The following GALNT18 variants were observed in gnomAD, a reference collection of about 807,000 sequenced individuals.
GALNT18 encodes polypeptide N-acetylgalactosaminyltransferase 18.
Under a neutral mutation model 69.5 loss-of-function variants are expected in GALNT18, and 44 were observed. The observed-to-expected ratio is 0.63, with a 90% CI of 0.50 to 0.81. The LOEUF (loss-of-function observed/expected upper bound fraction) is 0.81. Among genes scored for constraint, GALNT18 ranks in the 40% least tolerant of loss-of-function variants. The probability of loss-of-function intolerance (pLI) is 0.00; values close to 1 mark genes in which losing one functional copy is unlikely to be tolerated. For synonymous variants in GALNT18, 364 were observed against 318.2 expected, an observed-to-expected ratio of 1.14 and a Z score of -1.53; for missense variants, 715 against 810.0, an observed-to-expected ratio of 0.88 and a Z score of 1.42.
rs1409378861 is a variant in GALNT18 at position 11,511,283 on chromosome 11, G to T, written c.236-62347C>A. On this transcript the variant is annotated intron_variant, in intron 1 of 10. Transcript: ENST00000227756. This position sits in a 1 kb window ranked among gnomAD's most constrained non-coding sequence, Gnocchi z 4.9. The stretch of plus-strand genomic sequence containing the variant: ...GAAGGGACCGGCTGTCCAGCTTCAC[G>T]CAGGGAGGGCTCCTTGAAGCTAATT... 6.6e-6 allele frequency among the ~76,000 whole-genome samples: 1 copy of T among 152,164 alleles called. No individual in the cohort carries two copies. Among genetic ancestry groups the T allele is most frequent in the African/African-American group, 2.4e-5 (1 of 41,446 alleles).
Position 11,563,471 on chromosome 11 carries a change from T to G in GALNT18, c.235+57888A>C, listed in dbSNP as rs375934671. Among the ~76,000 whole-genome samples, 2 of 152,212 alleles carry G rather than the reference T, an allele frequency of 1.3e-5. No individual in the cohort carries two copies. The highest frequency in any genetic ancestry group is 4.8e-5 in the African/African-American group (2 of 41,458). On this transcript the variant is annotated intron_variant, in intron 1 of 10. Coordinates refer to ENST00000227756, the MANE Select transcript of GALNT18 (RefSeq NM_198516.3). This position sits in a 1 kb window ranked among gnomAD's most constrained non-coding sequence, Gnocchi z 4.6. ...ACCATGAAGGGCCCCACAAGTAGTT[T>G]CCAACTTGTGAGTTTGAACACTTAA...
Position 11,309,046 on chromosome 11 carries a change from G to A in GALNT18, c.1513-15853C>T, listed in dbSNP as rs978453883. ...TGAAAACTTGATCCTTAATGTGGTG[G>A]TGCTGGGAGGTAGGGCCTAATGGAA... On this transcript the variant is annotated intron_variant, in intron 9 of 10. Transcript: ENST00000227756. This position sits in a 1 kb window ranked among gnomAD's most constrained non-coding sequence, Gnocchi z 4.6. Among the ~76,000 whole-genome samples, 1 of 152,190 alleles carries A rather than the reference G, an allele frequency of 6.6e-6. No individual in the cohort carries two copies. The highest frequency in any genetic ancestry group is 2.4e-5 in the African/African-American group (1 of 41,452).
intron 9 of GALNT18, among the ~76,000 whole-genome samples, chr11:11,322,925 G>A (rs1849861703): frequency 6.6e-6 from 1 of 152,036 alleles, no homozygotes; most frequent in African/African-American, 2.4e-5. Flanking sequence ...ATGGCAGAGA[G>A]AAAAGAAAGC....
chr11:11,411,885 C>T (rs1854737953), intron 3 of GALNT18, among the ~76,000 whole-genome samples: 1 of 152,176 alleles, frequency 6.6e-6, no homozygotes, highest in African/African-American at 2.4e-5. Context: ...CCATCCGAGG[C>T]AAGGCTGGAA....
intron 1 of GALNT18, among the ~76,000 whole-genome samples, chr11:11,471,763 A>G (rs933952463): frequency 2.0e-5 from 3 of 152,194 alleles, no homozygotes; most frequent in Non-Finnish European, 2.9e-5. Context: ...GGCAGGATAG[A>G]AATTCTGTAG....
chr11:11,295,159 A>G (rs1273415117), intron 9 of GALNT18, among the ~76,000 whole-genome samples: 1 of 152,184 alleles, frequency 6.6e-6, no homozygotes, highest in Non-Finnish European at 1.5e-5. Context: ...TTCACGGCAG[A>G]TTCTTCCTGA....
intron 9 of GALNT18, among the ~76,000 whole-genome samples, chr11:11,305,883 A>T (rs1849568777): frequency 6.6e-6 from 1 of 152,240 alleles, no homozygotes; most frequent in African/African-American, 2.4e-5. Flanking sequence ...CAATGTGTTA[A>T]TAAATTATTC....
intron 1 of GALNT18, among the ~76,000 whole-genome samples, chr11:11,498,019 T>TAAA (rs531669912): frequency 7.0e-4 from 107 of 152,066 alleles, no homozygotes; most frequent in African/African-American, 2.5e-3. Flanking sequence ...TGGCTTAAAA[T>TAAA]GAACTAAAAA....
At chr11:11,395,425 C>G (rs1215593389) in intron 3 of GALNT18, among the ~76,000 whole-genome samples, 2 of 152,248 alleles carry the variant, frequency 1.3e-5, no homozygotes, top group Non-Finnish European at 2.9e-5. Context: ...GCATATGTAG[C>G]AGGGCCTGTG....
At chr11:11,400,699 A>T (rs940174140) in intron 3 of GALNT18, among the ~76,000 whole-genome samples, 3 of 152,132 alleles carry the variant, frequency 2.0e-5, no homozygotes, top group African/African-American at 4.8e-5. Context: ...GTTCTCTAGG[A>T]TTCCTTTCAC....
intron 1 of GALNT18, among the ~76,000 whole-genome samples, chr11:11,578,651 G>A (rs1209000499): frequency 3.3e-5 from 5 of 152,342 alleles, no homozygotes; most frequent in Middle Eastern, 3.4e-3. Flanking sequence ...CCCACCTCCC[G>A]GGTCAGGAGA....
At chr11:11,353,592 G>C (rs12578058) in intron 6 of GALNT18, among the ~76,000 whole-genome samples, 48,207 of 152,012 alleles carry the variant, frequency 0.32, 7,908 homozygotes, top group African/African-American at 0.41. Context: ...ATCAGTGGCT[G>C]TTTCTTTCCT....
chr11:11,596,460 C>T lies in GALNT18; in HGVS notation c.235+24899G>A, dbSNP rs1367583924. On this transcript the variant is annotated intron_variant, in intron 1 of 10. Coordinates refer to ENST00000227756, the MANE Select transcript of GALNT18 (RefSeq NM_198516.3). The surrounding 1 kb of genome is among the most constrained non-coding windows in gnomAD (Gnocchi z 4.2). The stretch of plus-strand genomic sequence containing the variant: ...TTTGATAAAGATATCTGAAGTATTG[C>T]CATCTTAACAATATTAAGTCTTGCA... 2.0e-5 allele frequency among the ~76,000 whole-genome samples: 3 copies of T among 152,100 alleles called. No homozygotes were observed. Among genetic ancestry groups the T allele is most frequent in the Non-Finnish European group, 4.4e-5 (3 of 67,998 alleles).
intron 9 of GALNT18, among the ~76,000 whole-genome samples, chr11:11,304,184 C>T (rs1296969646): frequency 2.0e-5 from 3 of 152,226 alleles, no homozygotes; most frequent in African/African-American, 4.8e-5. Flanking sequence ...ACTGCTGAGG[C>T]CCCTGGAGCT....
chr11:11,374,047 A>G (rs544466244), intron 5 of GALNT18, among the ~76,000 whole-genome samples: 6 of 152,260 alleles, frequency 3.9e-5, no homozygotes, highest in African/African-American at 1.4e-4. Flanking sequence ...TGGGGCAGAG[A>G]CTGACACCCT....
chr11:11,355,024 T>C (rs757549925), intron 6 of GALNT18, among the ~76,000 whole-genome samples: 1 of 152,210 alleles, frequency 6.6e-6, no homozygotes, highest in Non-Finnish European at 1.5e-5. Context: ...GCCAACATCC[T>C]GGTCCAAGTC....
chr11:11,305,131 G>A (rs951716413), intron 9 of GALNT18, among the ~76,000 whole-genome samples: 9 of 152,060 alleles, frequency 5.9e-5, no homozygotes, highest in South Asian at 2.1e-4. Context: ...TCTATGCAAC[G>A]AAGAGACGGT....
intron 9 of GALNT18, among the ~76,000 whole-genome samples, chr11:11,326,208 C>G (rs192373411): frequency 0.022 from 3,292 of 152,110 alleles, 120 homozygotes; most frequent in African/African-American, 0.074. Flanking sequence ...CCACACCTGG[C>G]TAATTTTTTG....
chr11:11,294,724 C>T (rs1849365890), intron 9 of GALNT18, among the ~76,000 whole-genome samples: 1 of 152,154 alleles, frequency 6.6e-6, no homozygotes, highest in African/African-American at 2.4e-5. Context: ...AGCCACGTGA[C>T]TCTTGGCCTT....
Sources: allele counts gnomAD v4.1 joint callset (sites outside exome capture counted in the v4.1 genomes callset), GRCh38; gene constraint gnomAD v4.1.1; non-coding constraint Gnocchi (gnomAD v3.1); transcripts MANE v1.5; gene names NCBI Gene and HGNC (gene_info 2026-07-23, HGNC 2026-07-21).